ANKS1B: variants seen among roughly 807,000 people sequenced by gnomAD.
The protein encoded by ANKS1B is ankyrin repeat and sterile alpha motif domain containing 1B, also known as ankyrin repeat and sterile alpha motif domain-containing protein 1B.
ANKS1B carries 36 observed loss-of-function variants against 148.3 expected under a neutral mutation model. The observed-to-expected ratio is 0.24, with a 90% CI of 0.19 to 0.32. ANKS1B has a LOEUF of 0.32. Among genes scored for constraint, ANKS1B ranks in the 10% least tolerant of loss-of-function variants. ANKS1B has a pLI of 1.00. For missense variants in ANKS1B, 1,157 were observed against 1,542.6 expected, an observed-to-expected ratio of 0.75 and a Z score of 4.19; for synonymous variants, 542 against 560.8, an observed-to-expected ratio of 0.97 and a Z score of 0.47.
intron 12 of ANKS1B, among the ~76,000 whole-genome samples, chr12:99,371,573 C>T (rs1266361062): frequency 2.6e-5 from 4 of 152,082 alleles, no homozygotes; most frequent in East Asian, 1.9e-4. Flanking sequence ...CACACACACA[C>T]ACACACATAT....
intron 8 of ANKS1B, among the ~76,000 whole-genome samples, chr12:99,703,031 T>C (rs1441019082): frequency 1.3e-5 from 2 of 152,090 alleles, no homozygotes; most frequent in African/African-American, 4.8e-5. Flanking sequence ...AATTTAGATT[T>C]CATTCTCTTT....
At chr12:99,309,758 G>A (rs1452666985) in intron 12 of ANKS1B, among the ~76,000 whole-genome samples, 1 of 152,026 alleles carries the variant, frequency 6.6e-6, no homozygotes, top group African/African-American at 2.4e-5. Flanking sequence ...ATTACAATTG[G>A]TGTAGCAATG....
chr12:99,370,803 G>A (rs568012849), intron 12 of ANKS1B, among the ~76,000 whole-genome samples: 67 of 152,172 alleles, frequency 4.4e-4, no homozygotes, highest in African/African-American at 1.6e-3. Context: ...AGAATCTTGG[G>A]GGAAATTGTG....
At chr12:99,708,443 T>C (rs899042056) in intron 8 of ANKS1B, among the ~76,000 whole-genome samples, 1 of 152,140 alleles carries the variant, frequency 6.6e-6, no homozygotes, top group African/African-American at 2.4e-5. Flanking sequence ...GCATTCTCTT[T>C]CAGCTCTGGA....
intron 12 of ANKS1B, among the ~76,000 whole-genome samples, chr12:99,258,018 A>C (rs1229658847): frequency 1.3e-5 from 2 of 152,244 alleles, no homozygotes; most frequent in African/African-American, 2.4e-5. Context: ...TGCTGCAGAA[A>C]GATCTCTCAG....
At position 99,304,640 on chromosome 12, in the gene ANKS1B, G is replaced by T. The variant is rs530640125; in HGVS notation, c.1757-57776C>A. Among the ~76,000 whole-genome samples, 17 of 152,228 alleles carry T rather than the reference G, an allele frequency of 1.1e-4. No homozygotes were observed. In the South Asian group the frequency reaches 3.5e-3, roughly 32 times the overall value. ...TGAGATATTCTTGGATTCTAATGAT[G>T]CACATTTTCTCTGCCACCCTGAACT... On this transcript the variant is annotated intron_variant, in intron 12 of 26. Transcript: ENST00000683438.
chr12:99,276,818 T>C (rs545642213), intron 12 of ANKS1B, among the ~76,000 whole-genome samples: 9 of 152,322 alleles, frequency 5.9e-5, no homozygotes, highest in Middle Eastern at 3.4e-3. Context: ...TGTAATAAGA[T>C]TGTGCTACAT....
chr12:99,721,199 CT>C (rs2058050876), intron 8 of ANKS1B, among the ~76,000 whole-genome samples: 1 of 152,198 alleles, frequency 6.6e-6, no homozygotes, highest in Non-Finnish European at 1.5e-5. Flanking sequence ...CACGCCGCCC[CT>C]AATCCCACTC....
intron 5 of ANKS1B, 145 bp from the exon 6 acceptor site, chr12:99,780,117 A>G (rs2064100671): frequency 1.6e-6 from 1 of 624,834 alleles, no homozygotes; most frequent in Non-Finnish European, 2.8e-6. Context: ...ACACACACAC[A>G]TACACACACA....
intron 15 of ANKS1B, among the ~76,000 whole-genome samples, chr12:99,148,812 A>G (rs2074024579): frequency 6.6e-6 from 1 of 152,160 alleles, no homozygotes; most frequent in Admixed American, 6.6e-5. Flanking sequence ...AGATACCAAC[A>G]GATATTTAAA....
intron 12 of ANKS1B, among the ~76,000 whole-genome samples, chr12:99,359,033 G>A (rs2092275600): frequency 6.6e-6 from 1 of 152,076 alleles, no homozygotes; most frequent in African/African-American, 2.4e-5. Context: ...AATTGGCCAG[G>A]CAGAAACATC....
At chr12:99,507,720 T>C (rs1333860696) in intron 9 of ANKS1B, among the ~76,000 whole-genome samples, 1 of 151,874 alleles carries the variant, frequency 6.6e-6, no homozygotes, top group African/African-American at 2.4e-5. Flanking sequence ...ACGAAGATAG[T>C]GAAACAATGC....
At chr12:99,928,271 A>ATTTTTTTTTT (rs763106581) in intron 1 of ANKS1B, among the ~76,000 whole-genome samples, 14 of 99,052 alleles carry the variant, frequency 1.4e-4, no homozygotes, top group Non-Finnish European at 3.0e-4. Flanking sequence ...ATTTTATTTT[A>ATTTTTTTTTT]TTTTTTTTTT....
chr12:99,383,746 C>T (rs567035313), intron 12 of ANKS1B, among the ~76,000 whole-genome samples: 6 of 151,038 alleles, frequency 4.0e-5, no homozygotes, highest in African/African-American at 9.7e-5. Context: ...GAGTGCAGTG[C>T]GCATGCCTGT....
chr12:99,874,889 T>C (rs749233566), intron 1 of ANKS1B, among the ~76,000 whole-genome samples: 13 of 152,336 alleles, frequency 8.5e-5, no homozygotes, highest in East Asian at 5.8e-4. Flanking sequence ...ACAGAATGCC[T>C]AATACATTGC....
chr12:99,595,949 T>G (rs777984614), intron 9 of ANKS1B, among the ~76,000 whole-genome samples: 1 of 151,946 alleles, frequency 6.6e-6, no homozygotes, highest in African/African-American at 2.4e-5. Context: ...GTTTGTGATA[T>G]CAATTTAAAT....
chr12:98,785,553 A>G (rs900344120), intron 22 of ANKS1B, among the ~76,000 whole-genome samples: 6 of 152,234 alleles, frequency 3.9e-5, no homozygotes, highest in African/African-American at 1.4e-4. Flanking sequence ...GAGGCAAGAA[A>G]TCTAGTAAGT....
At chr12:99,669,856 C>T (rs946782045) in intron 8 of ANKS1B, among the ~76,000 whole-genome samples, 1 of 152,050 alleles carries the variant, frequency 6.6e-6, no homozygotes, top group East Asian at 1.9e-4. Flanking sequence ...TTACTTGACC[C>T]TGTTTCTGTT....
chr12:99,723,920 C>G (rs1293786625), intron 8 of ANKS1B, among the ~76,000 whole-genome samples: 1 of 151,712 alleles, frequency 6.6e-6, no homozygotes, highest in African/African-American at 2.4e-5. Context: ...GGGGCCTGAC[C>G]ATTGAAAGAA....
Sources: gnomAD v4.1 joint callset for allele counts (sites outside exome capture counted in the v4.1 genomes callset) on GRCh38, gnomAD v4.1.1 for gene constraint, MANE v1.5 for transcripts, NCBI Gene and HGNC (gene_info 2026-07-23, HGNC 2026-07-21) for gene names.